Variants in NRP2 observed in about 807,000 individuals in gnomAD.
The protein encoded by NRP2 is neuropilin-2.
NRP2 carries 52 observed loss-of-function variants against 110.4 expected under a neutral mutation model. The ratio of observed to expected loss-of-function variants is 0.47; its 90% CI spans 0.38 to 0.59. NRP2 has a LOEUF of 0.59. Among genes scored for constraint, NRP2 ranks in the 20% least tolerant of loss-of-function variants. The pLI, the probability that NRP2 is intolerant of heterozygous loss-of-function variation, is 0.00. For synonymous variants in NRP2, 508 were observed against 468.9 expected, an observed-to-expected ratio of 1.08 and a Z score of -1.08; for missense variants, 1,049 against 1,203.0, an observed-to-expected ratio of 0.87 and a Z score of 1.89.
At chr2:205,695,266 C>G (rs912769238) in intron 1 of NRP2, among the ~76,000 whole-genome samples, 3 of 152,140 alleles carry the variant, frequency 2.0e-5, no homozygotes, top group Non-Finnish European at 4.4e-5. Flanking sequence ...TACAGACTAT[C>G]AGCTATGGGA....
At chr2:205,770,798 A>G (rs2058009850) in intron 15 of NRP2, among the ~76,000 whole-genome samples, 1 of 152,112 alleles carries the variant, frequency 6.6e-6, no homozygotes, top group South Asian at 2.1e-4. Context: ...CTGCCAGATT[A>G]AGGCTAGGTG....
chr2:205,782,023 T>A (rs150867851), intron 15 of NRP2, among the ~76,000 whole-genome samples: 1 of 152,064 alleles, frequency 6.6e-6, no homozygotes, highest in Non-Finnish European at 1.5e-5. Flanking sequence ...GACCCAAACC[T>A]AAACACTGAA....
chr2:205,786,561 T>G (rs1047523114), intron 15 of NRP2, among the ~76,000 whole-genome samples: 1 of 152,188 alleles, frequency 6.6e-6, no homozygotes, highest in Non-Finnish European at 1.5e-5. Context: ...CTCAATTTCA[T>G]CTCTAAAGTC....
chr2:205,720,115 T>A (rs2056980138), intron 3 of NRP2, among the ~76,000 whole-genome samples: 1 of 152,290 alleles, frequency 6.6e-6, no homozygotes, highest in African/African-American at 2.4e-5. Context: ...GATGGTACGA[T>A]TAGAGATGAA....
At chr2:205,792,212 T>C (rs772712087) in intron 15 of NRP2, 23 bp from the exon 16 acceptor site, 195 of 1,529,664 alleles carry the variant, frequency 1.3e-4, no homozygotes, top group Non-Finnish European at 1.7e-4. Flanking sequence ...TATTAACTTG[T>C]TTTTATTTTC....
intron 2 of NRP2, among the ~76,000 whole-genome samples, chr2:205,707,952 G>A (rs967069560): frequency 5.3e-5 from 8 of 152,338 alleles, no homozygotes; most frequent in Admixed American, 1.3e-4. Flanking sequence ...GTTCCCTTTT[G>A]TCAAATGAGG....
At chr2:205,765,679 TGGGGC>T in intron 14 of NRP2, 109 bp downstream of exon 14, 2 of 930,926 alleles carry the variant, frequency 2.1e-6, no homozygotes, top group Non-Finnish European at 3.5e-6. Flanking sequence ...ACCCAGTGGG[TGGGGC>T]AGCCACAGTC....
At chr2:205,721,971 G>A (rs1037003814) in intron 3 of NRP2, among the ~76,000 whole-genome samples, 2 of 152,122 alleles carry the variant, frequency 1.3e-5, no homozygotes, top group Non-Finnish European at 2.9e-5. Context: ...GGGGCACTTC[G>A]TTGGCTGTGG....
In NRP2 at chr2:205,725,368, C is replaced by T. The variant is rs1007464762; in HGVS notation, c.821-545C>T. ...GGTCTATTTGTCCAGACAGGTGGTGCGGGGGAATAGAGAGTGACATGCATG... is the reference window on the plus strand; with the variant it reads ...GGTCTATTTGTCCAGACAGGTGGTGTGGGGGAATAGAGAGTGACATGCATG... On this transcript the variant is annotated intron_variant, in intron 5 of 16. Transcript: ENST00000357785. The surrounding 1 kb of genome is among the most constrained non-coding windows in gnomAD (Gnocchi z 4.1). Among the ~76,000 whole-genome samples, 8 of 152,056 alleles carry T rather than the reference C, an allele frequency of 5.3e-5. No individual in the cohort carries two copies. Among genetic ancestry groups the T allele is most frequent in the Non-Finnish European group, 7.4e-5 (5 of 68,024 alleles).
At chr2:205,776,362 G>A (rs769877786) in intron 15 of NRP2, 3 of 1,613,172 alleles carry the variant, frequency 1.9e-6, no homozygotes, top group South Asian at 1.1e-5. Flanking sequence ...GCTGGTCTCC[G>A]TCGCGCTGGC....
chr2:205,796,390 T>C lies in NRP2; in HGVS notation c.*1332T>C, dbSNP rs138312759. On this transcript the variant is annotated 3_prime_UTR_variant, in exon 17 of 17. Coordinates refer to ENST00000357785, the MANE Select transcript of NRP2 (RefSeq NM_003872.3). ...TGCTTCAGCCTTGAGAGACCTAGGT[T>C]CTTACACATATGCACACACGCATAC... The C allele has an allele frequency of 2.9e-3, 450 of 152,716 alleles. 5 individuals are homozygous for C. The highest frequency in any genetic ancestry group is 0.018 in the South Asian group (85 of 4,822). 9.5% of individuals were successfully genotyped at this position (152,716 alleles called of 1,614,324 possible).
intron 12 of NRP2, among the ~76,000 whole-genome samples, chr2:205,755,764 C>G (rs1370635231): frequency 6.6e-6 from 1 of 152,156 alleles, no homozygotes; most frequent in Non-Finnish European, 1.5e-5. Flanking sequence ...TTGCCATCCA[C>G]AGAGGGGACC....
chr2:205,764,085 A>G (rs1255451838), intron 13 of NRP2, 149 bp downstream of exon 13: 12 of 989,052 alleles, frequency 1.2e-5, no homozygotes, highest in East Asian at 7.9e-5. Flanking sequence ...CTTATTTGTT[A>G]TTCAGAATAT....
At chr2:205,683,627 C>T (rs1330466546) in intron 1 of NRP2, among the ~76,000 whole-genome samples, 10 of 152,074 alleles carry the variant, frequency 6.6e-5, no homozygotes, top group Admixed American at 6.6e-4. Context: ...TCATATGTCA[C>T]ATATGGACTG....
At chr2:205,697,498 G>A (rs2056457710) in intron 1 of NRP2, 46 bp from the exon 2 acceptor site, 1 of 1,551,724 alleles carries the variant, frequency 6.4e-7, no homozygotes, top group Non-Finnish European at 8.9e-7. Flanking sequence ...GGGGAAGAAA[G>A]TTGTAACATA....
At position 205,745,814 on chromosome 2, in the gene NRP2, T is replaced by C. The variant is rs1406666969; in HGVS notation, c.1710T>C (p.Tyr570=). ...IRRFDPIPAQ[Y]VRVYPERWSP... ...GGTTTGACCCCATTCCGGCACAGTA[T>C]GTGCGGGTATACCCGGAGAGGTGGT... The change falls in exon 10 of 17, where the codon TAT becomes TAC. Residue 570 remains tyrosine, a synonymous_variant. Coordinates refer to ENST00000357785, the MANE Select transcript of NRP2 (RefSeq NM_003872.3). 6.2e-7 allele frequency: 1 copy of C among 1,614,202 alleles called. No individual in the cohort carries two copies. Among genetic ancestry groups the C allele is most frequent in the Non-Finnish European group, 8.5e-7 (1 of 1,180,020 alleles).
intron 15 of NRP2, among the ~76,000 whole-genome samples, chr2:205,780,270 A>G (rs2058159473): frequency 6.6e-6 from 1 of 152,240 alleles, no homozygotes; most frequent in Non-Finnish European, 1.5e-5. Context: ...ATTTTTGAAC[A>G]GGTAATGAAG....
At position 205,771,209 on chromosome 2, in the gene NRP2, TC is replaced by T. The variant is rs546125972; in HGVS notation, c.2425+4409del. Among the ~76,000 whole-genome samples the T allele has an allele frequency of 4.7e-3, 719 of 152,194 alleles. 4 individuals carry two copies. The highest frequency in any genetic ancestry group is 0.016 in the African/African-American group (672 of 41,526). ...GGTTTCTGCCAACTTACTGAAAACA[TC>T]CCGGCGCCTCCCGCCACACCATGCT... On this transcript the variant is annotated intron_variant, in intron 15 of 16. Coordinates refer to ENST00000357785, the MANE Select transcript of NRP2 (RefSeq NM_003872.3).
chr2:205,738,771 G>A (rs997375223), intron 7 of NRP2, among the ~76,000 whole-genome samples: 3 of 152,224 alleles, frequency 2.0e-5, no homozygotes, highest in East Asian at 1.9e-4. Context: ...CTTCCCAGGG[G>A]AGGAGAGGGA....
Sources: gnomAD v4.1 joint callset for allele counts (sites outside exome capture counted in the v4.1 genomes callset) on GRCh38, gnomAD v4.1.1 for gene constraint, Gnocchi (gnomAD v3.1) non-coding constraint, MANE v1.5 for transcripts, NCBI Gene and HGNC (gene_info 2026-07-23, HGNC 2026-07-21) for gene names.